DPF3: variants seen among roughly 807,000 people sequenced by gnomAD.
The protein encoded by DPF3 is zinc finger protein DPF3.
In DPF3, 18 loss-of-function variants were observed where a neutral mutation model predicts 56.8. That is an observed-to-expected ratio of 0.32 (90% CI 0.22 to 0.47). DPF3 has a LOEUF of 0.47. Among genes scored for constraint, DPF3 ranks in the 20% least tolerant of loss-of-function variants. The probability of loss-of-function intolerance (pLI) is 1.00; values close to 1 mark genes in which losing one functional copy is unlikely to be tolerated. For synonymous variants in DPF3, 188 were observed against 180.2 expected, an observed-to-expected ratio of 1.04 and a Z score of -0.35; for missense variants, 403 against 488.8, an observed-to-expected ratio of 0.82 and a Z score of 1.65.
At chr14:72,796,179 T>C (rs1892639777) in intron 1 of DPF3, among the ~76,000 whole-genome samples, 1 of 152,170 alleles carries the variant, frequency 6.6e-6, no homozygotes, top group African/African-American at 2.4e-5. Flanking sequence ...TTTAAGAAAG[T>C]ATGTAACTTA....
At chr14:72,753,547 C>T (rs1006770237) in intron 2 of DPF3, among the ~76,000 whole-genome samples, 176 bp from the exon 3 acceptor site, 6 of 152,188 alleles carry the variant, frequency 3.9e-5, no homozygotes, top group Non-Finnish European at 8.8e-5. Flanking sequence ...GGTCATCTGA[C>T]CCCAGGACCC....
At chr14:72,679,888 TG>T (rs1444155983) in intron 7 of DPF3, among the ~76,000 whole-genome samples, 1 of 152,030 alleles carries the variant, frequency 6.6e-6, no homozygotes, top group Non-Finnish European at 1.5e-5. Context: ...GGAGGAAGCT[TG>T]GGGGCCGGAG....
At chr14:72,861,815 T>C (rs987035137) in intron 1 of DPF3, among the ~76,000 whole-genome samples, 3 of 119,526 alleles carry the variant, frequency 2.5e-5, no homozygotes, top group African/African-American at 9.5e-5. Context: ...AGGAAAGAAT[T>C]TGGAAAAACA....
intron 8 of DPF3, among the ~76,000 whole-genome samples, chr14:72,642,984 A>G (rs1255774972): frequency 6.6e-6 from 1 of 152,220 alleles, no homozygotes; most frequent in African/African-American, 2.4e-5. Context: ...GGATCCTGTG[A>G]GGTGGGCAGA....
chr14:72,739,848 C>T (rs988743663), intron 3 of DPF3, among the ~76,000 whole-genome samples: 3 of 152,172 alleles, frequency 2.0e-5, no homozygotes, highest in Non-Finnish European at 2.9e-5. Context: ...GGCAATGACT[C>T]TGAAGAAAAG....
chr14:72,829,188 C>G (rs903237046), intron 1 of DPF3, among the ~76,000 whole-genome samples: 1 of 152,138 alleles, frequency 6.6e-6, no homozygotes, highest in African/African-American at 2.4e-5. Context: ...TATACATGTG[C>G]ACTTTTTGTC....
At chr14:72,661,177 TATG>T in intron 8 of DPF3, 9 of 985,340 alleles carry the variant, frequency 9.1e-6, no homozygotes, top group Non-Finnish European at 1.1e-5. Context: ...AGCAGATTAT[TATG>T]ATAATTATTA....
At chr14:72,756,033 G>A (rs548337730) in intron 2 of DPF3, among the ~76,000 whole-genome samples, 35 of 152,130 alleles carry the variant, frequency 2.3e-4, no homozygotes, top group African/African-American at 7.5e-4. Context: ...GTAGATGGAG[G>A]TGGGGAAGGA....
chr14:72,802,255 CAG>C lies in DPF3; in HGVS notation c.33-30364_33-30363del, dbSNP rs1006461326. On this transcript the variant is annotated intron_variant, in intron 1 of 10. Coordinates refer to ENST00000556509, the MANE Select transcript of DPF3 (RefSeq NM_001280542.3). ...AGAGAGGCCACAGGACCAGCGAGTG[CAG>C]AGTCATGGCGAACTGTACACAACCT... Among the ~76,000 whole-genome samples the C allele has an allele frequency of 3.9e-5, 6 of 152,296 alleles. No homozygotes were observed. The East Asian group carries it at 5.8e-4, about 15-fold the overall frequency.
chr14:72,873,123 G>A (rs1885967254), intron 1 of DPF3, among the ~76,000 whole-genome samples: 1 of 152,094 alleles, frequency 6.6e-6, no homozygotes, highest in African/African-American at 2.4e-5. Context: ...ACTACCATCA[G>A]AGTGAACAGG....
In DPF3 at chr14:72,836,017, C is replaced by T. The variant is rs534547724; in HGVS notation, c.32+58040G>A. The T allele has an allele frequency of 1.3e-5, 13 of 983,356 alleles. No homozygotes were observed. The Admixed American group carries it at 4.3e-4, about 33-fold the overall frequency. The allele number at this position is 983,356 out of a possible 1,614,324, so 60.9% of individuals were successfully genotyped here. On this transcript the variant is annotated intron_variant, in intron 1 of 10. Transcript: ENST00000556509. ...ATTCCCAGACATCCCGAGGGCCAGCCGTCACCACACGGGTGCCTCGGGGAG... is the reference window on the plus strand; with the variant it reads ...ATTCCCAGACATCCCGAGGGCCAGCTGTCACCACACGGGTGCCTCGGGGAG...
rs939274669 is a variant in DPF3, at chr14:72,864,486, T to G, written c.32+29571A>C. ...CCCCAGCACCTACAGTGCTTGGCACTTAGTGAGAGCTCAATAAATATTTGA... is the reference window on the plus strand; with the variant it reads ...CCCCAGCACCTACAGTGCTTGGCACGTAGTGAGAGCTCAATAAATATTTGA... On this transcript the variant is annotated intron_variant, in intron 1 of 10. Coordinates refer to ENST00000556509, the MANE Select transcript of DPF3 (RefSeq NM_001280542.3). Among the ~76,000 whole-genome samples, 4 of 152,240 alleles carry G rather than the reference T, an allele frequency of 2.6e-5. No homozygotes were observed. The East Asian group carries it at 7.7e-4, about 29-fold the overall frequency.
rs576362956 is a variant in DPF3 at position 72,626,973 on chromosome 14, G to C, written c.984+2651C>G. Among the ~76,000 whole-genome samples, 7 of 150,874 alleles carry C rather than the reference G, an allele frequency of 4.6e-5. No individual in the cohort carries two copies. In the South Asian group the frequency reaches 1.5e-3, roughly 32 times the overall value. On this transcript the variant is annotated intron_variant, in intron 9 of 10. Transcript: ENST00000556509. ...AAGGGTCATTTTTATATCTTTTGTG[G>C]GTTGTCTTTCATGTATTTTTCTCAT...
intron 3 of DPF3, among the ~76,000 whole-genome samples, chr14:72,732,888 T>G (rs1468816627): frequency 6.6e-6 from 1 of 151,898 alleles, no homozygotes; most frequent in Non-Finnish European, 1.5e-5. Context: ...TTTCTTTCTT[T>G]CTCTCTCCCT....
At chr14:72,781,806 C>A (rs540246121) in intron 1 of DPF3, among the ~76,000 whole-genome samples, 4 of 152,118 alleles carry the variant, frequency 2.6e-5, no homozygotes, top group Admixed American at 2.6e-4. Flanking sequence ...GGCATCCAGA[C>A]GTGACCAAAT....
At chr14:72,714,656 T>A (rs1888827792) in intron 5 of DPF3, among the ~76,000 whole-genome samples, 155 bp from the exon 6 acceptor site, 1 of 151,940 alleles carries the variant, frequency 6.6e-6, no homozygotes, top group Non-Finnish European at 1.5e-5. Flanking sequence ...CCCAGAGAGG[T>A]CAGGAGACAT....
intron 1 of DPF3, among the ~76,000 whole-genome samples, chr14:72,783,948 C>G (rs1183771718): frequency 6.6e-6 from 1 of 152,072 alleles, no homozygotes; most frequent in African/African-American, 2.4e-5. Context: ...GAAGGTCATC[C>G]GGAGGGCGCA....
chr14:72,790,653 T>C (rs577417392), intron 1 of DPF3, among the ~76,000 whole-genome samples: 4 of 152,236 alleles, frequency 2.6e-5, no homozygotes, highest in African/African-American at 9.6e-5. Flanking sequence ...CCCAAGACCA[T>C]ACAGAAATAG....
intron 7 of DPF3, among the ~76,000 whole-genome samples, chr14:72,687,936 T>C (rs980998906): frequency 6.6e-6 from 1 of 151,918 alleles, no homozygotes; most frequent in Admixed American, 6.6e-5. Context: ...GGAATACCAC[T>C]GCCCTAAGGC....
Sources: allele counts gnomAD v4.1 joint callset (sites outside exome capture counted in the v4.1 genomes callset), GRCh38; gene constraint gnomAD v4.1.1; transcripts MANE v1.5; gene names NCBI Gene and HGNC (gene_info 2026-07-23, HGNC 2026-07-21).